Variants in SDCCAG8 observed in about 807,000 individuals in gnomAD.
SDCCAG8 encodes serologically defined colon cancer antigen 8.
In SDCCAG8, 74 loss-of-function variants were observed where a neutral mutation model predicts 101.8. That is an observed-to-expected ratio of 0.73 (90% CI 0.60 to 0.88). The LOEUF is 0.88. Among genes scored for constraint, SDCCAG8 ranks in the 40% least tolerant of loss-of-function variants. The pLI, the probability that SDCCAG8 is intolerant of heterozygous loss-of-function variation, is 0.00. For synonymous variants in SDCCAG8, 281 were observed against 292.9 expected, an observed-to-expected ratio of 0.96 and a Z score of 0.41; for missense variants, 787 against 822.6, an observed-to-expected ratio of 0.96 and a Z score of 0.53.
chr1:243,347,035 C>G (rs937086138), intron 12 of SDCCAG8, among the ~76,000 whole-genome samples: 8 of 152,168 alleles, frequency 5.3e-5, no homozygotes, highest in African/African-American at 1.4e-4. Context: ...CAATCCTATT[C>G]CATCACTCAT....
chr1:243,394,031 A>G (rs1366857466), intron 13 of SDCCAG8, among the ~76,000 whole-genome samples: 1 of 152,232 alleles, frequency 6.6e-6, no homozygotes. Flanking sequence ...TTAAAATTTG[A>G]TAACTTATTA....
At chr1:243,307,637 G>C in intron 7 of SDCCAG8, 2 of 1,135,324 alleles carry the variant, frequency 1.8e-6, no homozygotes, top group Non-Finnish European at 2.2e-6. Flanking sequence ...AAAATGATTT[G>C]GGATTTATAT....
In SDCCAG8 at chr1:243,425,668, G is replaced by C. The variant is rs75116071; in HGVS notation, c.1854-759G>C. The stretch of plus-strand genomic sequence containing the variant: ...TGGTGGCAGTAGGCAGTAATTTAGA[G>C]TTTACTTAATACAAGGAAAGGAATA... On this transcript the variant is annotated intron_variant, in intron 15 of 17. Transcript: ENST00000366541. Among the ~76,000 whole-genome samples, 601 of 152,186 alleles carry C rather than the reference G, an allele frequency of 3.9e-3. 5 individuals carry two copies. Among genetic ancestry groups the C allele is most frequent in the African/African-American group, 0.014 (592 of 41,530 alleles).
At position 243,330,618 on chromosome 1, in the gene SDCCAG8, C is replaced by T. The variant is rs964673995; in HGVS notation, c.1147C>T (p.Gln383Ter). ...ERLEKELASQ[Q>*]EKRAIEKDMM... Reference sequence around the variant, plus strand: ...ACTTGAAAAAGAACTTGCATCTCAGCAAGAGAAAAGGGCCATTGAGAAAGA... The same window carrying T: ...ACTTGAAAAAGAACTTGCATCTCAGTAAGAGAAAAGGGCCATTGAGAAAGA... Residue 383 changes from glutamine (Q) to a stop codon, truncating the protein, a stop_gained, in exon 10 of 18, where the codon CAA becomes TAA. Coordinates refer to ENST00000366541, the MANE Select transcript of SDCCAG8 (RefSeq NM_006642.5). LOFTEE classifies it high-confidence loss of function. The T allele has an allele frequency of 9.3e-6, 15 of 1,613,518 alleles. No individual in the cohort carries two copies. The highest frequency in any genetic ancestry group is 1.3e-5 in the Non-Finnish European group (15 of 1,179,898).
At chr1:243,337,885 C>G (rs2075119362) in intron 10 of SDCCAG8, among the ~76,000 whole-genome samples, 1 of 113,054 alleles carries the variant, frequency 8.8e-6, no homozygotes, top group African/African-American at 2.6e-5. Context: ...CTCATTTTTT[C>G]AAATGAAAAT....
chr1:243,497,424 A>T (rs1342824679), intron 17 of SDCCAG8, among the ~76,000 whole-genome samples: 1 of 151,978 alleles, frequency 6.6e-6, no homozygotes, highest in Non-Finnish European at 1.5e-5. Flanking sequence ...AACCGCAGGA[A>T]ATACAAAGCC....
At chr1:243,323,229 A>G (rs555886297) in intron 9 of SDCCAG8, among the ~76,000 whole-genome samples, 1 of 152,028 alleles carries the variant, frequency 6.6e-6, no homozygotes, top group Non-Finnish European at 1.5e-5. Context: ...TTTTCTCTGC[A>G]GTTGAAGACC....
intron 13 of SDCCAG8, among the ~76,000 whole-genome samples, chr1:243,390,767 A>G (rs1174804348): frequency 6.6e-6 from 1 of 152,210 alleles, no homozygotes; most frequent in East Asian, 1.9e-4. Flanking sequence ...CTCAACAACA[A>G]TGAGCATCAG....
At chr1:243,364,256 A>G (rs1339641104) in intron 12 of SDCCAG8, among the ~76,000 whole-genome samples, 1 of 152,176 alleles carries the variant, frequency 6.6e-6, no homozygotes. Flanking sequence ...TTCCAGTGGA[A>G]GAGGAATTAT....
intron 12 of SDCCAG8, among the ~76,000 whole-genome samples, chr1:243,376,668 GTCT>G (rs2077616476): frequency 6.6e-6 from 1 of 151,794 alleles, no homozygotes; most frequent in African/African-American, 2.4e-5. Flanking sequence ...GTAATCTTTG[GTCT>G]TCTGATTCCT....
chr1:243,306,084 TAA>T (rs67568926), intron 7 of SDCCAG8: 3,401 of 108,148 alleles, frequency 0.031, 150 homozygotes, highest in African/African-American at 0.11. Context: ...AGACTCCATC[TAA>T]AAAAAAAAAA....
At chr1:243,447,330 G>A (rs1323023865) in intron 16 of SDCCAG8, among the ~76,000 whole-genome samples, 1 of 146,716 alleles carries the variant, frequency 6.8e-6, no homozygotes, top group African/African-American at 2.5e-5. Flanking sequence ...ATCGCTAAAT[G>A]AGGAATGAAC....
At chr1:243,318,073 A>G (rs1558286180) in intron 9 of SDCCAG8, 1 of 456,678 alleles carries the variant, frequency 2.2e-6, no homozygotes, top group Non-Finnish European at 4.4e-6. Context: ...GATGGAATTG[A>G]TGGAATCAAC....
At chr1:243,392,731 G>A (rs1296980640) in intron 13 of SDCCAG8, among the ~76,000 whole-genome samples, 1 of 152,184 alleles carries the variant, frequency 6.6e-6, no homozygotes, top group South Asian at 2.1e-4. Flanking sequence ...GACAACTCAC[G>A]TAACTAATCA....
chr1:243,438,565 C>G (rs2082307886), intron 16 of SDCCAG8, among the ~76,000 whole-genome samples: 1 of 151,856 alleles, frequency 6.6e-6, no homozygotes, highest in African/African-American at 2.4e-5. Flanking sequence ...CGTGCGCGTG[C>G]ACCTGCCTAC....
At chr1:243,477,185 C>T (rs754599117) in intron 16 of SDCCAG8, among the ~76,000 whole-genome samples, 10 of 152,148 alleles carry the variant, frequency 6.6e-5, no homozygotes, top group Non-Finnish European at 8.8e-5. Context: ...TTTTTAAGGA[C>T]GGCTTTAGGG....
intron 9 of SDCCAG8, among the ~76,000 whole-genome samples, chr1:243,329,822 A>C (rs2451669): frequency 0.49 from 74,343 of 151,990 alleles, 19,285 homozygotes; most frequent in East Asian, 0.74. Flanking sequence ...GCCAAAATGA[A>C]GTTAGAGATT....
In SDCCAG8 at chr1:243,418,036, A is replaced by G; in HGVS notation, c.1813A>G (p.Thr605Ala). 6.2e-7 allele frequency: 1 copy of G among 1,613,158 alleles called. No homozygotes were observed. The highest frequency in any genetic ancestry group is 1.1e-5 in the South Asian group (1 of 91,066). The change falls in exon 15 of 18, where the codon ACA becomes GCA. Residue 605 changes from threonine to alanine, a missense_variant. Thr to Ala is a moderately conservative substitution (Grantham distance 58). Coordinates refer to ENST00000366541, the MANE Select transcript of SDCCAG8 (RefSeq NM_006642.5). The stretch of plus-strand genomic sequence containing the variant: ...GACAAAGTTAAAGGAAGAATGCTGT[A>G]CATTAGCCAAGAAACTGGAACAAAT... ...FLTKLKEECC[T>A]LAKKLEQISQ...
chr1:243,302,500 G>C (rs149400763), intron 6 of SDCCAG8, among the ~76,000 whole-genome samples: 16 of 152,256 alleles, frequency 1.1e-4, no homozygotes, highest in African/African-American at 3.1e-4. Context: ...TAACTCACGA[G>C]ACTTGAAGGG....
Sources: allele counts gnomAD v4.1 joint callset (sites outside exome capture counted in the v4.1 genomes callset), GRCh38; gene constraint gnomAD v4.1.1; transcripts MANE v1.5; gene names NCBI Gene and HGNC (gene_info 2026-07-23, HGNC 2026-07-21).